The following PCDHA1 variants were observed in gnomAD, a reference collection of about 807,000 sequenced individuals.
The protein encoded by PCDHA1 is protocadherin alpha-1.
PCDHA1 carries 42 observed loss-of-function variants against 61.3 expected under a neutral mutation model. The observed-to-expected ratio is 0.69, with a 90% CI of 0.54 to 0.89. The LOEUF is 0.89. PCDHA1 is among the 40% of genes least tolerant of loss of function. The pLI, the probability that PCDHA1 is intolerant of heterozygous loss-of-function variation, is 0.00. For synonymous variants in PCDHA1, 610 were observed against 553.8 expected (o/e 1.10, Z -1.43); for missense variants, 1,256 against 1,235.3 (o/e 1.02, Z -0.25).
intron 1 of PCDHA1, among the ~76,000 whole-genome samples, chr5:140,947,190 C>T (rs1292127049): frequency 6.6e-6 from 1 of 151,120 alleles, no homozygotes; most frequent in Non-Finnish European, 1.5e-5. Flanking sequence ...TGGTATACTA[C>T]ACAGCCTTAA....
rs370211278 is a variant in PCDHA1 at position 140,788,631 on chromosome 5, A to C, written c.2341A>C (p.Asn781His). The change falls in exon 1 of 4, where the codon AAC (asparagine) becomes CAC (histidine). Residue 781 changes from asparagine to histidine, a missense_variant. Transcript: ENST00000504120. ...CAGCCCAGGCCTATCTCCAAGTCTT[A>C]ACACGTCAGAAAGAAATGAACAACC... ...AFSPGLSPSL[N>H]TSERNEQPEA... 15 of 1,608,714 alleles carry C rather than the reference A, an allele frequency of 9.3e-6. No homozygotes were observed. The highest frequency in any genetic ancestry group is 1.3e-5 in the Non-Finnish European group (15 of 1,177,334).
intron 1 of PCDHA1, among the ~76,000 whole-genome samples, chr5:140,833,021 AAG>A (rs1157304540): frequency 2.0e-5 from 3 of 152,192 alleles, no homozygotes; most frequent in Admixed American, 6.6e-5. Context: ...TGGTTCCCAT[AAG>A]AGAGAGTGTG....
intron 3 of PCDHA1, among the ~76,000 whole-genome samples, chr5:140,985,009 C>T (rs567801905): frequency 9.3e-4 from 141 of 152,162 alleles, no homozygotes; most frequent in African/African-American, 3.3e-3. Flanking sequence ...ACGATATCGG[C>T]TCACAGCAAC....
chr5:140,826,841 G>A (rs1217681651), intron 1 of PCDHA1, among the ~76,000 whole-genome samples: 1 of 152,138 alleles, frequency 6.6e-6, no homozygotes, highest in Non-Finnish European at 1.5e-5. Flanking sequence ...AGTTTCTCAA[G>A]TGTCTTGCAA....
chr5:140,787,239 G>A lies in PCDHA1; in HGVS notation c.949G>A (p.Glu317Lys), dbSNP rs143010606. Residue 317 changes from glutamate to lysine, a missense_variant, in exon 1 of 4, where the codon GAA (glutamate) becomes AAA (lysine). Glu to Lys is a moderately conservative substitution (Grantham distance 56). Coordinates refer to ENST00000504120, the MANE Select transcript of PCDHA1 (RefSeq NM_018900.4). ...GGATTATGAAGAAACAAAATCCTAC[G>A]AAATTCAAGTAAAGGCAGTTGATAA... is the stretch of plus-strand genomic sequence containing the variant. ...KLDYEETKSY[E>K]IQVKAVDKGS... 1.2e-6 allele frequency: 2 copies of A among 1,614,120 alleles called. No individual in the cohort carries two copies. Among genetic ancestry groups the A allele is most frequent in the Non-Finnish European group, 8.5e-7 (1 of 1,180,012 alleles).
At chr5:140,834,336 ATTCGAAGGCAAGTTTTGCTGACTAG>A in intron 1 of PCDHA1, 1 of 1,499,956 alleles carries the variant, frequency 6.7e-7, no homozygotes, top group Non-Finnish European at 9.0e-7. Context: ...ATTCCTATAA[ATTCGAAGGCAAGTTTTGCTGACTAG>A]AAAAACAAGC....
chr5:140,969,428 CAA>C lies in PCDHA1; in HGVS notation c.2395-9520_2395-9519del, dbSNP rs2096329692. The stretch of plus-strand genomic sequence containing the variant: ...GGCTTTATTGAGTCATTAACAGTGA[CAA>C]GAGTTATCTGGTAAACTGAGTATAT... On this transcript the variant is annotated intron_variant, in intron 1 of 3. Coordinates refer to ENST00000504120, the MANE Select transcript of PCDHA1 (RefSeq NM_018900.4). 8.4e-6 allele frequency: 13 copies of C among 1,555,028 alleles called. No homozygotes were observed. The East Asian group carries it at 1.4e-4, about 17-fold the overall frequency.
intron 1 of PCDHA1, chr5:140,803,538 A>G: frequency 6.2e-7 from 1 of 1,614,216 alleles, no homozygotes; most frequent in Non-Finnish European, 8.5e-7. Context: ...TCCTTGTCCA[A>G]TTAGCCGGGA....
intron 1 of PCDHA1, chr5:140,875,490 A>G: frequency 6.2e-7 from 1 of 1,612,864 alleles, no homozygotes; most frequent in Non-Finnish European, 8.5e-7. Context: ...TTATCGGACC[A>G]AGAGGCCCGG....
intron 1 of PCDHA1, among the ~76,000 whole-genome samples, chr5:140,951,923 T>C (rs538525528): frequency 6.6e-6 from 1 of 152,214 alleles, no homozygotes; most frequent in South Asian, 2.1e-4. Flanking sequence ...ACAAGTTAGT[T>C]ACTCCCAAGA....
At chr5:140,989,744 T>C (rs1354218140) in intron 3 of PCDHA1, among the ~76,000 whole-genome samples, 1 of 152,200 alleles carries the variant, frequency 6.6e-6, no homozygotes, top group Non-Finnish European at 1.5e-5. Context: ...CATTGCCTAA[T>C]CTGGAGAAAC....
chr5:140,812,020 A>G (rs1295694653), intron 1 of PCDHA1: 3 of 150,728 alleles, frequency 2.0e-5, no homozygotes, highest in Non-Finnish European at 4.4e-5. Context: ...TTGGACTTTT[A>G]AAATGAGTTT....
chr5:140,805,108 C>G, intron 1 of PCDHA1: 1 of 1,590,148 alleles, frequency 6.3e-7, no homozygotes, highest in Non-Finnish European at 8.5e-7. Flanking sequence ...AAACTATTGT[C>G]TAACAAGACT....
chr5:140,893,862 C>T (rs1376548113), intron 1 of PCDHA1, among the ~76,000 whole-genome samples: 1 of 152,158 alleles, frequency 6.6e-6, no homozygotes, highest in East Asian at 1.9e-4. Flanking sequence ...TGTATAGAAA[C>T]AACCCAGATC....
rs782195065 is a variant in PCDHA1 at position 140,808,655 on chromosome 5, G to T, written c.2394+19971G>T. 8 of 1,613,096 alleles carry T rather than the reference G, an allele frequency of 5.0e-6. No individual in the cohort carries two copies. In the South Asian group the frequency reaches 8.8e-5, roughly 18 times the overall value. On this transcript the variant is annotated intron_variant, in intron 1 of 3. Transcript: ENST00000504120. ...CGCGGACGCGCAGGAGAACGCGCTGGTGTCCTACTCGCTGGTAGAGCGGCG... is the reference window on the plus strand; with the variant it reads ...CGCGGACGCGCAGGAGAACGCGCTGTTGTCCTACTCGCTGGTAGAGCGGCG...
chr5:140,961,445 C>T (rs772072156), intron 1 of PCDHA1, among the ~76,000 whole-genome samples: 1 of 152,214 alleles, frequency 6.6e-6, no homozygotes, highest in South Asian at 2.1e-4. Context: ...CCTAACTACA[C>T]TGTCTTGCAG....
chr5:140,927,293 C>T (rs782386645), intron 1 of PCDHA1: 5 of 1,614,176 alleles, frequency 3.1e-6, no homozygotes, highest in Non-Finnish European at 3.4e-6. Flanking sequence ...CTGCACATCC[C>T]CGAGTTCCTG....
chr5:140,787,697 G>T lies in PCDHA1; in HGVS notation c.1407G>T (p.Pro469=), dbSNP rs1554117936. The T allele has an allele frequency of 8.1e-6, 13 of 1,613,788 alleles. No individual in the cohort carries two copies. The highest frequency in any genetic ancestry group is 1.3e-5 in the African/African-American group (1 of 74,918). Residue 469 remains proline, a synonymous_variant, in exon 1 of 4, where the codon CCG becomes CCT. Transcript: ENST00000504120. Reference sequence around the variant, plus strand: ...CAGTATTCGTGAAGGAGAACAACCCGCCGGGCTGCCACATCTTCACGGTGT... The same window carrying T: ...CAGTATTCGTGAAGGAGAACAACCCTCCGGGCTGCCACATCTTCACGGTGT... ...EYTVFVKENN[P]PGCHIFTVSA...
chr5:140,837,239 ATTTATCTTCTT>A (rs1411047562), intron 1 of PCDHA1: 4 of 152,014 alleles, frequency 2.6e-5, no homozygotes, highest in Non-Finnish European at 1.5e-5. Context: ...TTTTACATCT[ATTTATCTTCTT>A]TTTATCATAT....
Sources: gnomAD v4.1 joint callset for allele counts (sites outside exome capture counted in the v4.1 genomes callset) on GRCh38, gnomAD v4.1.1 for gene constraint, MANE v1.5 for transcripts, NCBI Gene and HGNC (gene_info 2026-07-23, HGNC 2026-07-21) for gene names.